STK39: variants seen among roughly 807,000 people sequenced by gnomAD.
STK39 encodes STE20/SPS1-related proline-alanine-rich protein kinase.
In STK39, 20 loss-of-function variants were observed where a neutral mutation model predicts 77.8. The observed-to-expected ratio is 0.26, with a 90% confidence interval of 0.18 to 0.37. STK39 has a LOEUF of 0.37. Ranked by LOEUF, STK39 falls within the 10% of genes least tolerant of loss-of-function variation. The pLI is 1.00. For missense variants in STK39, 479 were observed against 656.5 expected, an observed-to-expected ratio of 0.73 and a Z score of 2.95; for synonymous variants, 246 against 234.1, an observed-to-expected ratio of 1.05 and a Z score of -0.47.
In STK39 at chr2:168,152,473, G is replaced by A. The variant is rs542668588; in HGVS notation, c.628+9314C>T. 5.4e-4 allele frequency among the ~76,000 whole-genome samples: 83 copies of A among 152,296 alleles called. 1 individual carries two copies. The highest frequency in any genetic ancestry group is 9.0e-4 in the Non-Finnish European group (61 of 68,034). ...TTGTCAATCTTCCTTACTTTACAAC[G>A]GAAGGAACTGAGCCCCGGCGCTCCT... On this transcript the variant is annotated intron_variant, in intron 5 of 17. Transcript: ENST00000355999.
intron 14 of STK39, among the ~76,000 whole-genome samples, chr2:168,035,467 T>G (rs1432436630): frequency 2.0e-5 from 3 of 152,240 alleles, no homozygotes; most frequent in African/African-American, 7.2e-5. Flanking sequence ...ATATACAAAC[T>G]GTACCTTTTT....
Position 168,071,988 on chromosome 2 carries a change from T to G in STK39, c.1242+2994A>C, listed in dbSNP as rs191027659. Among the ~76,000 whole-genome samples the G allele has an allele frequency of 9.8e-3, 1,494 of 152,220 alleles. 24 individuals are homozygous for G. The highest frequency in any genetic ancestry group is 0.034 in the African/African-American group (1,425 of 41,514). ...TACATACACAAAAAAGTTAAGGGAATGGTATTTGTAATAGCAGCCTAAGTG... is the reference window on the plus strand; with the variant it reads ...TACATACACAAAAAAGTTAAGGGAAGGGTATTTGTAATAGCAGCCTAAGTG... On this transcript the variant is annotated intron_variant, in intron 12 of 17. Coordinates refer to ENST00000355999, the MANE Select transcript of STK39 (RefSeq NM_013233.3).
In STK39 at chr2:167,998,318, T is replaced by TA. The variant is rs1302380030; in HGVS notation, c.1498+14315dup. 9.2e-5 allele frequency among the ~76,000 whole-genome samples: 14 copies of TA among 152,336 alleles called. 1 individual carries two copies. In the East Asian group the frequency reaches 9.6e-4, roughly 10 times the overall value. ...AAATGCTCACTTTAATTTAGATAAT[T>TA]AGAGTGTTAGTCCCTGAAAAAATAT... On this transcript the variant is annotated intron_variant, in intron 16 of 17. Transcript: ENST00000355999.
intron 2 of STK39, among the ~76,000 whole-genome samples, chr2:168,180,245 G>A (rs1447519421): frequency 6.6e-6 from 1 of 152,150 alleles, no homozygotes; most frequent in Non-Finnish European, 1.5e-5. Context: ...TACTCGGGAG[G>A]CTAAAGCAGG....
chr2:168,069,783 G>A (rs114516588), intron 12 of STK39, among the ~76,000 whole-genome samples: 262 of 152,250 alleles, frequency 1.7e-3, no homozygotes, highest in African/African-American at 6.1e-3. Context: ...CAGAATCTGT[G>A]GGTTGAGTCT....
intron 14 of STK39, among the ~76,000 whole-genome samples, chr2:168,046,779 G>A (rs146389719): frequency 4.1e-4 from 63 of 152,350 alleles, no homozygotes; most frequent in African/African-American, 1.5e-3. Flanking sequence ...GAGGGGTCAG[G>A]TGGGTGATGG....
In STK39 at chr2:168,152,046, T is replaced by C. The variant is rs981014785; in HGVS notation, c.628+9741A>G. On this transcript the variant is annotated intron_variant, in intron 5 of 17. Coordinates refer to ENST00000355999, the MANE Select transcript of STK39 (RefSeq NM_013233.3). ...AATTTTCAGTAAGAAGTAGAGTCAC[T>C]GGTCACACCTGGAGCAGCAACAGAA... 7.2e-5 allele frequency among the ~76,000 whole-genome samples: 11 copies of C among 152,326 alleles called. 1 individual carries two copies. Among genetic ancestry groups the C allele is most frequent in the African/African-American group, 2.6e-4 (11 of 41,576 alleles).
chr2:168,146,545 G>C (rs1688145713), intron 5 of STK39, among the ~76,000 whole-genome samples: 1 of 152,180 alleles, frequency 6.6e-6, no homozygotes, highest in Non-Finnish European at 1.5e-5. Flanking sequence ...GGGACCCTGA[G>C]AGTTCTTTCC....
intron 1 of STK39, among the ~76,000 whole-genome samples, chr2:168,226,315 A>G (rs1039932704): frequency 6.6e-6 from 1 of 152,042 alleles, no homozygotes; most frequent in Non-Finnish European, 1.5e-5. Flanking sequence ...CCAGGATGCT[A>G]GAAAACCCAG....
intron 1 of STK39, among the ~76,000 whole-genome samples, chr2:168,206,446 G>A (rs759993148): frequency 3.9e-5 from 6 of 152,016 alleles, no homozygotes; most frequent in Non-Finnish European, 5.9e-5. Context: ...GATTACAAGC[G>A]TCCGCCACCA....
chr2:168,240,970 C>A (rs1472257502), intron 1 of STK39, among the ~76,000 whole-genome samples: 1 of 152,194 alleles, frequency 6.6e-6, no homozygotes, highest in Non-Finnish European at 1.5e-5. Flanking sequence ...ACAGAAGAGT[C>A]ACAGTGATTT....
At chr2:168,203,343 C>T (rs1689659644) in intron 1 of STK39, among the ~76,000 whole-genome samples, 1 of 152,162 alleles carries the variant, frequency 6.6e-6, no homozygotes, top group Non-Finnish European at 1.5e-5. Context: ...AGAACTAAAA[C>T]TGCCTGAAGG....
chr2:167,969,421 T>G (rs553838399), intron 16 of STK39, among the ~76,000 whole-genome samples: 1 of 152,304 alleles, frequency 6.6e-6, no homozygotes, highest in Admixed American at 6.5e-5. Flanking sequence ...CCCTCCATGG[T>G]CTGGCCTCGG....
intron 17 of STK39, among the ~76,000 whole-genome samples, chr2:167,962,791 T>A (rs1013591067): frequency 6.6e-6 from 1 of 152,260 alleles, no homozygotes; most frequent in East Asian, 1.9e-4. Flanking sequence ...GCCTCCAAGA[T>A]GAATGGCTGT....
chr2:167,984,778 T>C (rs897026016), intron 16 of STK39, among the ~76,000 whole-genome samples: 1 of 152,200 alleles, frequency 6.6e-6, no homozygotes, highest in East Asian at 1.9e-4. Flanking sequence ...AATTAACTTT[T>C]AAAAATACAC....
At chr2:167,964,464 T>C (rs1692090479) in intron 17 of STK39, 198 bp downstream of exon 17, 1 of 545,940 alleles carries the variant, frequency 1.8e-6, no homozygotes. Context: ...GCTATGCTCA[T>C]AGAAGAGGAC....
intron 10 of STK39, among the ~76,000 whole-genome samples, chr2:168,121,177 T>C (rs530273815): frequency 2.6e-4 from 40 of 152,324 alleles, no homozygotes; most frequent in Admixed American, 5.2e-4. Context: ...GGAAAGAGCA[T>C]AGATTGAGAA....
intron 1 of STK39, among the ~76,000 whole-genome samples, chr2:168,215,254 C>T (rs1342236190): frequency 3.9e-5 from 6 of 152,068 alleles, no homozygotes; most frequent in African/African-American, 1.4e-4. Context: ...TCCAATCATA[C>T]TCTCCCCCCA....
chr2:168,061,858 G>A (rs1219166956), intron 14 of STK39, among the ~76,000 whole-genome samples: 4 of 152,116 alleles, frequency 2.6e-5, no homozygotes, highest in African/African-American at 9.7e-5. Flanking sequence ...TAAAGTTAAG[G>A]TTCAGTAGTA....
Sources: gnomAD v4.1 joint callset for allele counts (sites outside exome capture counted in the v4.1 genomes callset) on GRCh38, gnomAD v4.1.1 for gene constraint, MANE v1.5 for transcripts, NCBI Gene and HGNC (gene_info 2026-07-23, HGNC 2026-07-21) for gene names.